LHFPL3: variants seen among roughly 807,000 people sequenced by gnomAD.
The protein encoded by LHFPL3 is LHFPL tetraspan subfamily member 3 protein.
In LHFPL3, 5 loss-of-function variants were observed where a neutral mutation model predicts 19.3. The ratio of observed to expected loss-of-function variants is 0.26; its 90% CI spans 0.14 to 0.54. The LOEUF is 0.54. Among genes scored for constraint, LHFPL3 ranks in the 20% least tolerant of loss-of-function variants. The probability of loss-of-function intolerance (pLI) is 0.94; values close to 1 mark genes in which losing one functional copy is unlikely to be tolerated. For missense variants in LHFPL3, 249 were observed against 307.4 expected (o/e 0.81, Z 1.42); for synonymous variants, 133 against 126.2 (o/e 1.05, Z -0.36).
chr7:104,421,840 G>A (rs1035672198), intron 1 of LHFPL3, among the ~76,000 whole-genome samples: 2 of 152,188 alleles, frequency 1.3e-5, no homozygotes, highest in African/African-American at 4.8e-5. Context: ...CAATGTGATG[G>A]TGTTAGGAGG....
chr7:104,822,750 A>C (rs575761034), intron 2 of LHFPL3, among the ~76,000 whole-genome samples: 1 of 152,258 alleles, frequency 6.6e-6, no homozygotes, highest in Non-Finnish European at 1.5e-5. Context: ...CTATGGTTCA[A>C]AATAGCTATT....
At chr7:104,741,632 T>A (rs981128855) in intron 2 of LHFPL3, among the ~76,000 whole-genome samples, 1 of 151,632 alleles carries the variant, frequency 6.6e-6, no homozygotes, top group Non-Finnish European at 1.5e-5. Flanking sequence ...AACCCCTGGG[T>A]GCAAGCGATC....
intron 2 of LHFPL3, among the ~76,000 whole-genome samples, chr7:104,775,712 G>A (rs566660324): frequency 6.6e-6 from 1 of 152,206 alleles, no homozygotes; most frequent in East Asian, 1.9e-4. Flanking sequence ...AATTTAACTG[G>A]AACCTTTTAT....
intron 1 of LHFPL3, among the ~76,000 whole-genome samples, chr7:104,449,001 A>G (rs1176564635): frequency 1.3e-5 from 2 of 152,240 alleles, no homozygotes; most frequent in Non-Finnish European, 2.9e-5. Flanking sequence ...TGCCTTTCAG[A>G]TTAAAATTAA....
intron 2 of LHFPL3, chr7:104,769,050 T>G (rs766463367): frequency 6.6e-6 from 1 of 152,236 alleles, no homozygotes; most frequent in African/African-American, 2.4e-5. Context: ...GATGTAGCTA[T>G]CATTTCAAAC....
intron 1 of LHFPL3, among the ~76,000 whole-genome samples, chr7:104,597,162 T>A (rs1790880264): frequency 6.6e-6 from 1 of 152,218 alleles, no homozygotes; most frequent in Admixed American, 6.5e-5. Context: ...CTAATAGAAG[T>A]AACATTATTT....
chr7:104,501,458 A>G (rs1462346441), intron 1 of LHFPL3, among the ~76,000 whole-genome samples: 1 of 152,178 alleles, frequency 6.6e-6, no homozygotes, highest in East Asian at 1.9e-4. Context: ...AGTAAATAAG[A>G]TGCTAATAAA....
At chr7:104,384,126 G>A (rs1311664496) in intron 1 of LHFPL3, among the ~76,000 whole-genome samples, 1 of 152,120 alleles carries the variant, frequency 6.6e-6, no homozygotes, top group Non-Finnish European at 1.5e-5. Context: ...TGGTGACAAA[G>A]GATATTAAAT....
chr7:104,524,350 G>A (rs1452445796), intron 1 of LHFPL3, among the ~76,000 whole-genome samples: 3 of 152,158 alleles, frequency 2.0e-5, no homozygotes, highest in Non-Finnish European at 1.5e-5. Flanking sequence ...CAAAGTTAAA[G>A]AGATCTTGAC....
intron 1 of LHFPL3, among the ~76,000 whole-genome samples, chr7:104,380,995 G>T (rs1428881438): frequency 6.6e-6 from 1 of 152,160 alleles, no homozygotes; most frequent in Non-Finnish European, 1.5e-5. Context: ...TGTACAGTTG[G>T]TGAATTTTAA....
At chr7:104,885,457 C>G (rs1226296628) in intron 2 of LHFPL3, among the ~76,000 whole-genome samples, 2 of 152,176 alleles carry the variant, frequency 1.3e-5, no homozygotes, top group Admixed American at 6.5e-5. Flanking sequence ...TTCCCCATCT[C>G]AGTAAATAGG....
At position 104,461,196 on chromosome 7, in the gene LHFPL3, G is replaced by A. The variant is rs535579513; in HGVS notation, c.445+131972G>A. 1.6e-4 allele frequency among the ~76,000 whole-genome samples: 24 copies of A among 152,242 alleles called. No individual in the cohort carries two copies. In the South Asian group the frequency reaches 1.7e-3, roughly 11 times the overall value. ...GAGAGTGGAGTCAAGGGGAAGCCCCGTATAAAACCATCAGATCTCCTGAGA... is the reference window on the plus strand; with the variant it reads ...GAGAGTGGAGTCAAGGGGAAGCCCCATATAAAACCATCAGATCTCCTGAGA... On this transcript the variant is annotated intron_variant, in intron 1 of 2. Transcript: ENST00000424859.
chr7:104,753,324 C>T (rs1322926345), intron 2 of LHFPL3, among the ~76,000 whole-genome samples: 1 of 152,136 alleles, frequency 6.6e-6, no homozygotes, highest in Non-Finnish European at 1.5e-5. Flanking sequence ...TTGATGTATA[C>T]AGTGATCAAG....
At chr7:104,354,348 G>A (rs1292923196) in intron 1 of LHFPL3, among the ~76,000 whole-genome samples, 1 of 152,190 alleles carries the variant, frequency 6.6e-6, no homozygotes, top group African/African-American at 2.4e-5. Context: ...CTGGGAAGTG[G>A]ACATCTTGTA....
At chr7:104,426,359 C>T (rs931294480) in intron 1 of LHFPL3, among the ~76,000 whole-genome samples, 1 of 152,094 alleles carries the variant, frequency 6.6e-6, no homozygotes, top group Admixed American at 6.5e-5. Context: ...CAGATTCAAG[C>T]GATTCTCCTG....
intron 2 of LHFPL3, among the ~76,000 whole-genome samples, chr7:104,764,767 T>C (rs1283593695): frequency 1.3e-5 from 2 of 152,238 alleles, no homozygotes; most frequent in East Asian, 3.8e-4. Flanking sequence ...GTTGTTAGTA[T>C]TTATAACTAT....
rs549362578 is a variant in LHFPL3 at position 104,462,465 on chromosome 7, T to G, written c.445+133241T>G. Among the ~76,000 whole-genome samples, 3 of 152,360 alleles carry G rather than the reference T, an allele frequency of 2.0e-5. No individual in the cohort carries two copies. The East Asian group carries it at 5.8e-4, about 29-fold the overall frequency. ...GTGTTGAATTTTATTGAAAGCCTTTTCTGCAGCTATTGAGATAATCATGAT... is the reference window on the plus strand; with the variant it reads ...GTGTTGAATTTTATTGAAAGCCTTTGCTGCAGCTATTGAGATAATCATGAT... On this transcript the variant is annotated intron_variant, in intron 1 of 2. Transcript: ENST00000424859.
chr7:104,722,983 A>T (rs1217854537), intron 1 of LHFPL3, among the ~76,000 whole-genome samples: 3 of 152,194 alleles, frequency 2.0e-5, no homozygotes, highest in African/African-American at 7.2e-5. Context: ...GGATAGTCAG[A>T]CCAGCAGTAT....
In LHFPL3 at chr7:104,902,226, T is replaced by A. The variant is rs187182747; in HGVS notation, c.683-3961T>A. Among the ~76,000 whole-genome samples the A allele has an allele frequency of 3.1e-3, 470 of 151,492 alleles. 11 individuals are homozygous for A. The East Asian group carries it at 0.035, about 11-fold the overall frequency. On this transcript the variant is annotated intron_variant, in intron 2 of 2. Transcript: ENST00000424859. The stretch of plus-strand genomic sequence containing the variant: ...GAGACCCCATCTCTATAAAAAAAAA[T>A]TTTAAATTAGCTGGGCATGGTAACG...
Sources: gnomAD v4.1 joint callset for allele counts (sites outside exome capture counted in the v4.1 genomes callset) on GRCh38, gnomAD v4.1.1 for gene constraint, MANE v1.5 for transcripts, NCBI Gene and HGNC (gene_info 2026-07-23, HGNC 2026-07-21) for gene names.